FAM228B: variants seen among roughly 807,000 people sequenced by gnomAD.
FAM228B encodes family with sequence similarity 228 member B, also known as protein FAM228B.
A neutral mutation model predicts 42.6 loss-of-function variants in FAM228B; 38 were observed. The ratio of observed to expected loss-of-function variants is 0.89; its 90% CI spans 0.69 to 1.17. The LOEUF (loss-of-function observed/expected upper bound fraction) is 1.17, where lower values mean the gene tolerates loss of function less well. Ranked by LOEUF, FAM228B falls within the 50% of genes most tolerant of loss-of-function variation. FAM228B has a pLI of 0.00. For synonymous variants in FAM228B, 109 were observed against 122.3 expected (o/e 0.89, Z 0.72); for missense variants, 344 against 367.3 (o/e 0.94, Z 0.52).
intron 10 of FAM228B, chr2:24,168,009 T>C (rs1485490303): frequency 7.1e-6 from 2 of 279,954 alleles, no homozygotes; most frequent in East Asian, 7.3e-5. Flanking sequence ...AAGCATCTGA[T>C]GGAACTGCCA....
At chr2:24,142,005 A>C (rs1044691058) in intron 5 of FAM228B, among the ~76,000 whole-genome samples, 1 of 152,140 alleles carries the variant, frequency 6.6e-6, no homozygotes, top group African/African-American at 2.4e-5. Flanking sequence ...CCATGTCTTC[A>C]GATCCAGGTC....
intron 2 of FAM228B, among the ~76,000 whole-genome samples, chr2:24,088,443 T>C (rs1166010392): frequency 6.6e-6 from 1 of 152,134 alleles, no homozygotes; most frequent in Non-Finnish European, 1.5e-5. Context: ...CTCTGTCTCC[T>C]GGGTTTACGT....
In FAM228B at chr2:24,077,327, CCTCAG is replaced by C; in HGVS notation, c.-290+359_-290+363del. On this transcript the variant is annotated intron_variant, in intron 1 of 10. Coordinates refer to the FAM228B transcript ENST00000613899. This position sits in a 1 kb window ranked among gnomAD's most constrained non-coding sequence, Gnocchi z 5.5. ...CCAGAATCTCCGTCCCTGGAGGGGC[CCTCAG>C]GTTGAGCGTCAGCTGATCGGGCCTC... 1 of 368,448 alleles carries C rather than the reference CCTCAG, an allele frequency of 2.7e-6. No homozygotes were observed. Among genetic ancestry groups the C allele is most frequent in the South Asian group, 5.8e-5 (1 of 17,356 alleles). The allele number at this position is 368,448 out of a possible 1,614,324, so 22.8% of individuals were successfully genotyped here.
At chr2:24,165,514 C>T in intron 9 of FAM228B, 2 of 469,032 alleles carry the variant, frequency 4.3e-6, no homozygotes, top group South Asian at 3.1e-5. Flanking sequence ...AGCTGCATGC[C>T]TGTTGTCTGC....
At chr2:24,142,143 A>G (rs1666767321) in intron 5 of FAM228B, among the ~76,000 whole-genome samples, 1 of 152,196 alleles carries the variant, frequency 6.6e-6, no homozygotes, top group African/African-American at 2.4e-5. Context: ...CTGAGCTGCT[A>G]CAGAGTCTGT....
chr2:24,081,222 G>A (rs1664987910), intron 2 of FAM228B, among the ~76,000 whole-genome samples: 1 of 152,128 alleles, frequency 6.6e-6, no homozygotes, highest in African/African-American at 2.4e-5. Context: ...AAACCATCTT[G>A]TTCTTTGGAG....
chr2:24,092,734 T>C (rs1243024809), intron 2 of FAM228B, among the ~76,000 whole-genome samples: 2 of 152,142 alleles, frequency 1.3e-5, no homozygotes, highest in Admixed American at 1.3e-4. Context: ...AACAAAAATT[T>C]AGAAACAAAG....
At chr2:24,101,207 A>G (rs1045922455) in intron 3 of FAM228B, among the ~76,000 whole-genome samples, 4 of 152,174 alleles carry the variant, frequency 2.6e-5, no homozygotes, top group African/African-American at 9.7e-5. Context: ...GCACATGTAT[A>G]CCTATGTATC....
chr2:24,082,796 G>A (rs1665062798), intron 2 of FAM228B: 1 of 1,461,748 alleles, frequency 6.8e-7, no homozygotes, highest in East Asian at 2.4e-5. Context: ...AGGCCTGGGA[G>A]TGCCCTGGGG....
At chr2:24,119,750 G>C, upstream of FAM228B, 8 of 1,185,620 alleles carry the variant, frequency 6.7e-6, no homozygotes, top group Non-Finnish European at 9.8e-6. Flanking sequence ...TCATGCTCCA[G>C]CTACGTTTTT....
chr2:24,083,036 T>G (rs1665081279), intron 2 of FAM228B: 1 of 1,614,068 alleles, frequency 6.2e-7, no homozygotes, highest in African/African-American at 1.3e-5. Flanking sequence ...GAGCCATGGC[T>G]GTGTCCCCGA....
At chr2:24,147,113 A>G (rs1666914428) in intron 7 of FAM228B, 27 bp downstream of exon 7, 1 of 1,476,744 alleles carries the variant, frequency 6.8e-7, no homozygotes, top group Non-Finnish European at 9.1e-7. Context: ...TAGAAATTAT[A>G]GAACCTTTTG....
At chr2:24,166,041 T>TAAAAAAA (rs1165834652) in intron 9 of FAM228B, 71 of 97,498 alleles carry the variant, frequency 7.3e-4, no homozygotes, top group African/African-American at 2.3e-3. Context: ...GAACTCTGTC[T>TAAAAAAA]AAAAAAAAAA....
At chr2:24,102,258 A>G (rs920990373) in intron 3 of FAM228B, among the ~76,000 whole-genome samples, 18 of 152,340 alleles carry the variant, frequency 1.2e-4, no homozygotes, top group Non-Finnish European at 1.9e-4. Context: ...AGTTTCTGGA[A>G]TTATACCAGC....
chr2:24,123,513 C>T lies in FAM228B; in HGVS notation c.-53C>T, dbSNP rs1489570666. 1 of 152,176 alleles carries T rather than the reference C, an allele frequency of 6.6e-6. No homozygotes were observed. The highest frequency in any genetic ancestry group is 1.9e-4 in the East Asian group (1 of 5,192). The allele number at this position is 152,176 out of a possible 1,614,324, so 9.4% of individuals were successfully genotyped here. On this transcript the variant is annotated 5_prime_UTR_variant, in exon 1 of 11. Transcript: ENST00000615575. ...CGGCGCAGGGGGCGGAGTGCTCGCG[C>T]GGCGCTGCGTCCGGGAGACGGTGGG...
At chr2:24,081,857 A>G (rs1159616910) in intron 2 of FAM228B, among the ~76,000 whole-genome samples, 3 of 151,374 alleles carry the variant, frequency 2.0e-5, no homozygotes, top group Admixed American at 6.6e-5. Flanking sequence ...CACCACGCCC[A>G]GCTAATTTTT....
intron 3 of FAM228B, among the ~76,000 whole-genome samples, chr2:24,104,653 A>G (rs574633076): frequency 6.6e-6 from 1 of 152,278 alleles, no homozygotes; most frequent in Non-Finnish European, 1.5e-5. Context: ...ACAGCAGAGT[A>G]AGTGACTCTA....
In FAM228B at chr2:24,146,786, A is replaced by G. The variant is rs61750463; in HGVS notation, c.480A>G (p.Ala160=). 6.5e-7 allele frequency: 1 copy of G among 1,550,358 alleles called. No homozygotes were observed. The highest frequency in any genetic ancestry group is 1.2e-5 in the South Asian group (1 of 83,964). ...IPPFHDPLKK[A]QYDKDNEKRT... ...CATTTCATGACCCTTTGAAAAAAGC[A>G]CAATATGACAAGGATAACGAAAAAA... The change falls in exon 6 of 11, where the codon GCA becomes GCG. Residue 160 remains alanine (A), a synonymous_variant. Transcript: ENST00000615575.
rs1664779516 is a variant in FAM228B, at chr2:24,077,012, G to GTGTGGTGGAGC, written c.-290+45_-290+46insTGGTGGAGCTG. ...TCGGGGCCTGAGGAGGGTGGTGGAG[G>GTGTGGTGGAGC]TGCGGCGGGGCCCAGAAGTGTAGCA... On this transcript the variant is annotated intron_variant, in intron 1 of 10. Transcript: ENST00000613899. This position sits in a 1 kb window ranked among gnomAD's most constrained non-coding sequence, Gnocchi z 5.5. The GTGTGGTGGAGC allele has an allele frequency of 6.1e-6, 1 of 163,698 alleles. No individual in the cohort carries two copies. The highest frequency in any genetic ancestry group is 2.4e-5 in the African/African-American group (1 of 41,044). 10.1% of individuals were successfully genotyped at this position (163,698 alleles called of 1,614,324 possible).
Sources: allele counts gnomAD v4.1 joint callset (sites outside exome capture counted in the v4.1 genomes callset), GRCh38; gene constraint gnomAD v4.1.1; non-coding constraint Gnocchi (gnomAD v3.1); transcripts MANE v1.5; gene names NCBI Gene and HGNC (gene_info 2026-07-23, HGNC 2026-07-21).